STRN: variants seen among roughly 807,000 people sequenced by gnomAD.
The protein encoded by STRN is striatin.
Under a neutral mutation model 96.3 loss-of-function variants are expected in STRN, and 53 were observed. That is an observed-to-expected ratio of 0.55 (90% CI 0.44 to 0.69). The LOEUF (loss-of-function observed/expected upper bound fraction) is 0.69, where lower values mean the gene tolerates loss of function less well. Among genes scored for constraint, STRN ranks in the 30% least tolerant of loss-of-function variants. The pLI is 0.00. For synonymous variants in STRN, 428 were observed against 355.9 expected, an observed-to-expected ratio of 1.20 and a Z score of -2.28; for missense variants, 987 against 963.9, an observed-to-expected ratio of 1.02 and a Z score of -0.32.
intron 1 of STRN, among the ~76,000 whole-genome samples, chr2:36,953,889 T>C (rs931837637): frequency 6.6e-6 from 1 of 152,110 alleles, no homozygotes; most frequent in African/African-American, 2.4e-5. Context: ...CCAGCTACTC[T>C]GGAGGCTGAT....
chr2:36,944,063 T>C (rs1239359409), intron 1 of STRN, among the ~76,000 whole-genome samples: 1 of 152,130 alleles, frequency 6.6e-6, no homozygotes, highest in Non-Finnish European at 1.5e-5. Flanking sequence ...GAGGTTTCAG[T>C]GAGCCAAGAT....
rs1054722581 is a variant in STRN at position 36,846,547 on chromosome 2, G to C, written c.*2909C>G. 5.4e-5 allele frequency: 8 copies of C among 148,218 alleles called. No homozygotes were observed. The highest frequency in any genetic ancestry group is 2.0e-4 in the African/African-American group (8 of 40,088). The allele number at this position is 148,218 out of a possible 1,614,324, so 9.2% of individuals were successfully genotyped here. A position where few individuals can be genotyped will look rare whatever the true frequency, so the allele number is the denominator to read the frequency against. ...TATCTCCAAAAGAAATTTATAGCAA[G>C]AATACTGAAGGAATGAAAGTCAGAT... On this transcript the variant is annotated 3_prime_UTR_variant, in exon 18 of 18. Coordinates refer to ENST00000263918, the MANE Select transcript of STRN (RefSeq NM_003162.4).
At chr2:36,859,120 A>G (rs1668417762) in intron 13 of STRN, among the ~76,000 whole-genome samples, 2 of 152,354 alleles carry the variant, frequency 1.3e-5, no homozygotes, top group Admixed American at 6.5e-5. Context: ...CATCTAGTTT[A>G]TGGTGTGATT....
rs557864229 is a variant in STRN, at chr2:36,895,913, G to T, written c.796-1880C>A. Among the ~76,000 whole-genome samples the T allele has an allele frequency of 1.8e-4, 27 of 152,064 alleles. No homozygotes were observed. The South Asian group carries it at 5.4e-3, about 30-fold the overall frequency. ...CGCCCCAGCCTGGGTGACAGTGCGA[G>T]ACTCCATCTCAAAAAAAAAGAAAAA... On this transcript the variant is annotated intron_variant, in intron 6 of 17. Transcript: ENST00000263918.
At chr2:36,886,660 TG>T (rs1305887974) in intron 8 of STRN, 55 bp downstream of exon 8, 4 of 1,333,812 alleles carry the variant, frequency 3.0e-6, no homozygotes, top group African/African-American at 1.5e-5. Flanking sequence ...AAAAAAAAAC[TG>T]GGGGATGTAA....
intron 1 of STRN, among the ~76,000 whole-genome samples, chr2:36,947,185 CA>C (rs1236013896): frequency 2.0e-5 from 3 of 152,084 alleles, no homozygotes; most frequent in Admixed American, 1.3e-4. Context: ...CATGAGCCAC[CA>C]CACCTGGCCA....
chr2:36,926,122 C>T (rs1292110324), intron 1 of STRN, among the ~76,000 whole-genome samples: 2 of 152,094 alleles, frequency 1.3e-5, no homozygotes, highest in African/African-American at 2.4e-5. Flanking sequence ...CCCATTCCTG[C>T]CCCCCACCCC....
chr2:36,880,310 A>G (rs1463520853), intron 9 of STRN, among the ~76,000 whole-genome samples: 1 of 152,168 alleles, frequency 6.6e-6, no homozygotes, highest in Non-Finnish European at 1.5e-5. Context: ...ATGGTGGTGC[A>G]TGCCTCTAGT....
intron 11 of STRN, among the ~76,000 whole-genome samples, chr2:36,868,390 T>G (rs1170425075): frequency 1.3e-5 from 2 of 152,226 alleles, no homozygotes; most frequent in African/African-American, 4.8e-5. Flanking sequence ...CCAATAAGGA[T>G]AATATGTCTA....
intron 1 of STRN, among the ~76,000 whole-genome samples, chr2:36,933,182 T>G (rs1251495175): frequency 6.6e-6 from 1 of 152,078 alleles, no homozygotes; most frequent in Non-Finnish European, 1.5e-5. Flanking sequence ...AAATACAAAA[T>G]TTTAAAAATA....
At chr2:36,884,176 T>A in intron 8 of STRN, 101 bp from the exon 9 acceptor site, 1 of 1,041,850 alleles carries the variant, frequency 9.6e-7, no homozygotes, top group Admixed American at 4.2e-5. Context: ...CATCTGTCAA[T>A]ATTTACCTTT....
chr2:36,860,404 A>C (rs1411070200), intron 13 of STRN, among the ~76,000 whole-genome samples: 3 of 152,326 alleles, frequency 2.0e-5, no homozygotes, highest in African/African-American at 7.2e-5. Context: ...AATGCTCGTT[A>C]AATAAATGCT....
Position 36,869,604 on chromosome 2 carries a change from C to T in STRN, c.1449G>A (p.Glu483=). ...AATTCCACATTTTTAATGTGTGATCCTCTGATGCTGTTATCAAAACAGGCT... is the reference window on the plus strand; with the variant it reads ...AATTCCACATTTTTAATGTGTGATCTTCTGATGCTGTTATCAAAACAGGCT... The part of the protein sequence containing the change: ...PIEPVLITAS[E]DHTLKMWNLQ... Residue 483 remains glutamate, a synonymous_variant, in exon 11 of 18, where the codon GAG becomes GAA. Coordinates refer to ENST00000263918, the MANE Select transcript of STRN (RefSeq NM_003162.4). 1 of 1,605,920 alleles carries T rather than the reference C, an allele frequency of 6.2e-7. No individual in the cohort carries two copies. Among genetic ancestry groups the T allele is most frequent in the South Asian group, 1.1e-5 (1 of 89,684 alleles).
chr2:36,952,570 T>G (rs1047848324), intron 1 of STRN, among the ~76,000 whole-genome samples: 4 of 152,170 alleles, frequency 2.6e-5, no homozygotes, highest in African/African-American at 9.7e-5. Flanking sequence ...CCTATGCATT[T>G]GGGAATGATT....
chr2:36,934,356 C>T (rs1458468047), intron 1 of STRN, among the ~76,000 whole-genome samples: 1 of 152,118 alleles, frequency 6.6e-6, no homozygotes, highest in Non-Finnish European at 1.5e-5. Context: ...AATATGCGTA[C>T]ATGTAAGAAA....
chr2:36,889,209 G>A (rs750960316), intron 7 of STRN, among the ~76,000 whole-genome samples: 3 of 152,230 alleles, frequency 2.0e-5, no homozygotes, highest in Non-Finnish European at 4.4e-5. Flanking sequence ...AATGATCCGA[G>A]TAAACCAAAG....
intron 11 of STRN, among the ~76,000 whole-genome samples, chr2:36,868,111 G>C (rs1668675744): frequency 6.6e-6 from 1 of 152,164 alleles, no homozygotes; most frequent in African/African-American, 2.4e-5. Context: ...TAAAGGGAAA[G>C]ACAGCTTCAT....
Position 36,851,073 on chromosome 2 carries a change from G to C in STRN, c.2013C>G (p.Ile671Met). 1.2e-6 allele frequency: 2 copies of C among 1,613,660 alleles called. No individual in the cohort carries two copies. The highest frequency in any genetic ancestry group is 2.2e-5 in the South Asian group (2 of 91,030). ...TGCTGATCGGAAGAGTAGGATGACT[G>C]ATGACTCTATTTATTTGGCAGGAAG... ...ANSSCQINRVISHPTLPISIT... is the reference protein window; with the variant it reads ...ANSSCQINRVMSHPTLPISIT... The change falls in exon 16 of 18, where the codon ATC (isoleucine) becomes ATG (methionine). Residue 671 changes from isoleucine to methionine, a missense_variant. Physicochemically the swap from Ile to Met is conservative, Grantham distance 10 (BLOSUM62 1). Transcript: ENST00000263918.
chr2:36,896,247 G>T (rs1308449878), intron 6 of STRN, among the ~76,000 whole-genome samples: 1 of 152,114 alleles, frequency 6.6e-6, no homozygotes, highest in Non-Finnish European at 1.5e-5. Flanking sequence ...CTCTTGGGGG[G>T]AAAAACTTGT....
Sources: gnomAD v4.1 joint callset for allele counts (sites outside exome capture counted in the v4.1 genomes callset) on GRCh38, gnomAD v4.1.1 for gene constraint, MANE v1.5 for transcripts, NCBI Gene and HGNC (gene_info 2026-07-23, HGNC 2026-07-21) for gene names.